The following LUZP2 variants were observed in gnomAD, a reference collection of about 807,000 sequenced individuals.
LUZP2 encodes the protein leucine zipper protein 2.
LUZP2 carries 52 observed loss-of-function variants against 51.6 expected under a neutral mutation model. That is an observed-to-expected ratio of 1.01 (90% CI 0.81 to 1.27). The LOEUF (loss-of-function observed/expected upper bound fraction) is 1.27, where lower values mean the gene tolerates loss of function less well. LUZP2 is among the 50% of genes most tolerant of loss of function. The pLI is 0.00. For missense variants in LUZP2, 436 were observed against 395.4 expected (o/e 1.10, Z -0.87); for synonymous variants, 154 against 137.3 (o/e 1.12, Z -0.85).
At chr11:24,967,833 C>T (rs1273814846) in intron 7 of LUZP2, among the ~76,000 whole-genome samples, 2 of 152,014 alleles carry the variant, frequency 1.3e-5, no homozygotes, top group African/African-American at 4.8e-5. Context: ...CTATATTCAA[C>T]ATATAGACTA....
At chr11:25,069,866 A>T (rs1859105433) in intron 10 of LUZP2, among the ~76,000 whole-genome samples, 1 of 151,760 alleles carries the variant, frequency 6.6e-6, no homozygotes, top group Non-Finnish European at 1.5e-5. Context: ...AGGAACTCTT[A>T]TGTGAAACAT....
At chr11:24,729,141 G>T in intron 1 of LUZP2, 28 bp from the exon 2 acceptor site, 1 of 1,238,266 alleles carries the variant, frequency 8.1e-7, no homozygotes, top group Non-Finnish European at 1.1e-6. Flanking sequence ...CATTTGGGGG[G>T]CTCTCATGCC....
chr11:25,028,554 TGCAC>T (rs1019584094), intron 9 of LUZP2, among the ~76,000 whole-genome samples: 3 of 152,200 alleles, frequency 2.0e-5, no homozygotes, highest in Non-Finnish European at 4.4e-5. Context: ...AGACCATCTT[TGCAC>T]GTTCTCATTT....
At chr11:24,997,761 T>C (rs1344586662) in intron 9 of LUZP2, among the ~76,000 whole-genome samples, 1 of 152,184 alleles carries the variant, frequency 6.6e-6, no homozygotes, top group African/African-American at 2.4e-5. Context: ...AGGTCTGACA[T>C]TTAAGTCTTT....
intron 9 of LUZP2, among the ~76,000 whole-genome samples, chr11:25,015,732 C>A (rs1000273686): frequency 6.6e-6 from 1 of 151,966 alleles, no homozygotes; most frequent in South Asian, 2.1e-4. Context: ...AGCTGTTAAA[C>A]CTTATCTCTT....
Position 24,670,309 on chromosome 11 carries a change from T to C in LUZP2, c.63-58860T>C, listed in dbSNP as rs79887077. On this transcript the variant is annotated intron_variant, in intron 1 of 11. Coordinates refer to ENST00000336930, the MANE Select transcript of LUZP2 (RefSeq NM_001009909.4). ...ATGGCAATTATTTTATCTTTTCTTG[T>C]GTAAGGATGACTATGGTCATAATAA... is the stretch of plus-strand genomic sequence containing the variant. Among the ~76,000 whole-genome samples, 6 of 152,198 alleles carry C rather than the reference T, an allele frequency of 3.9e-5. No individual in the cohort carries two copies. In the East Asian group the frequency reaches 1.2e-3, roughly 29 times the overall value.
At chr11:24,539,494 A>G (rs922005792) in intron 1 of LUZP2, among the ~76,000 whole-genome samples, 21 of 151,974 alleles carry the variant, frequency 1.4e-4, no homozygotes, top group Non-Finnish European at 2.9e-4. Context: ...AGGATCAGAT[A>G]GTTTAAGCAG....
At chr11:24,653,617 G>C (rs1224141966) in intron 1 of LUZP2, among the ~76,000 whole-genome samples, 1 of 152,156 alleles carries the variant, frequency 6.6e-6, no homozygotes, top group African/African-American at 2.4e-5. Flanking sequence ...TAGAGCATAA[G>C]AGTGAACAGA....
chr11:24,725,547 A>G (rs1200988742), intron 1 of LUZP2, among the ~76,000 whole-genome samples: 1 of 152,132 alleles, frequency 6.6e-6, no homozygotes, highest in Non-Finnish European at 1.5e-5. Flanking sequence ...AATAGTCCAG[A>G]TGCCATAAAG....
At chr11:24,597,187 A>G (rs940593094) in intron 1 of LUZP2, among the ~76,000 whole-genome samples, 10 of 152,218 alleles carry the variant, frequency 6.6e-5, no homozygotes, top group African/African-American at 2.4e-4. Context: ...TATATGTATA[A>G]GCATGTGTAT....
chr11:24,990,830 C>T (rs1856312488), intron 9 of LUZP2, among the ~76,000 whole-genome samples: 1 of 151,516 alleles, frequency 6.6e-6, no homozygotes, highest in Admixed American at 6.6e-5. Flanking sequence ...ATTTTTAACC[C>T]CCACCCAACA....
At chr11:24,919,955 T>C (rs568340338) in intron 7 of LUZP2, among the ~76,000 whole-genome samples, 6 of 151,872 alleles carry the variant, frequency 4.0e-5, no homozygotes, top group South Asian at 4.1e-4. Context: ...AGAAATTTTA[T>C]GAATGAATAA....
At chr11:24,693,872 T>C (rs1043628089) in intron 1 of LUZP2, among the ~76,000 whole-genome samples, 2 of 152,012 alleles carry the variant, frequency 1.3e-5, no homozygotes, top group African/African-American at 4.8e-5. Flanking sequence ...AAATCATGCC[T>C]ACCCTCTCCA....
intron 5 of LUZP2, among the ~76,000 whole-genome samples, chr11:24,793,644 C>T (rs921384565): frequency 6.6e-6 from 1 of 152,080 alleles, no homozygotes; most frequent in Non-Finnish European, 1.5e-5. Flanking sequence ...AAAAGATAGG[C>T]GGCTTGTTAG....
intron 5 of LUZP2, among the ~76,000 whole-genome samples, chr11:24,843,214 A>C (rs1371087217): frequency 6.7e-6 from 1 of 149,054 alleles, no homozygotes; most frequent in Non-Finnish European, 1.5e-5. Flanking sequence ...TTAAAGAAAC[A>C]GAGTTATTAG....
intron 1 of LUZP2, among the ~76,000 whole-genome samples, chr11:24,543,948 T>G (rs1185376752): frequency 6.6e-6 from 1 of 151,902 alleles, no homozygotes; most frequent in African/African-American, 2.4e-5. Flanking sequence ...ATTGAGCAGT[T>G]CGGTCATTGT....
At chr11:24,711,609 A>G (rs1005216029) in intron 1 of LUZP2, among the ~76,000 whole-genome samples, 4 of 152,108 alleles carry the variant, frequency 2.6e-5, no homozygotes, top group Non-Finnish European at 4.4e-5. Context: ...GAGCGTGTTT[A>G]CTTTTAAAAA....
intron 9 of LUZP2, among the ~76,000 whole-genome samples, chr11:25,019,774 G>T (rs537313692): frequency 8.0e-4 from 122 of 152,158 alleles, no homozygotes; most frequent in African/African-American, 2.8e-3. Flanking sequence ...CGTTATGGGA[G>T]CCTGACTTCT....
At chr11:24,649,592 A>G (rs954399145) in intron 1 of LUZP2, among the ~76,000 whole-genome samples, 1 of 151,970 alleles carries the variant, frequency 6.6e-6, no homozygotes, top group Non-Finnish European at 1.5e-5. Flanking sequence ...TGGTGTTCGA[A>G]GAGTCACTAA....
Sources: allele counts gnomAD v4.1 joint callset (sites outside exome capture counted in the v4.1 genomes callset), GRCh38; gene constraint gnomAD v4.1.1; transcripts MANE v1.5; gene names NCBI Gene and HGNC (gene_info 2026-07-23, HGNC 2026-07-21).